The following EIPR1 variants were observed in gnomAD, a reference collection of about 807,000 sequenced individuals.
EIPR1 encodes the protein EARP and GARP complex-interacting protein 1.
EIPR1 carries 25 observed loss-of-function variants against 48.1 expected under a neutral mutation model. The observed-to-expected ratio is 0.52, with a 90% CI of 0.38 to 0.73. EIPR1 has a LOEUF of 0.73. Ranked by LOEUF, EIPR1 falls within the 30% of genes least tolerant of loss-of-function variation. The probability of loss-of-function intolerance (pLI) is 0.00; values close to 1 mark genes in which losing one functional copy is unlikely to be tolerated. For synonymous variants in EIPR1, 204 were observed against 201.9 expected, an observed-to-expected ratio of 1.01 and a Z score of -0.09; for missense variants, 415 against 506.2, an observed-to-expected ratio of 0.82 and a Z score of 1.73.
chr2:3,191,985 C>T (rs1233301559), intron 8 of EIPR1, among the ~76,000 whole-genome samples: 1 of 152,152 alleles, frequency 6.6e-6, no homozygotes, highest in East Asian at 1.9e-4. Context: ...GTGGAAGGCC[C>T]GTGAGCTGAT....
chr2:3,299,684 G>C (rs1668712228), intron 3 of EIPR1, among the ~76,000 whole-genome samples: 1 of 149,818 alleles, frequency 6.7e-6, no homozygotes, highest in Non-Finnish European at 1.5e-5. Context: ...ATACGTGTAA[G>C]CTATGTAAGC....
At chr2:3,346,584 G>C (rs571209342) in intron 2 of EIPR1, among the ~76,000 whole-genome samples, 2 of 152,250 alleles carry the variant, frequency 1.3e-5, no homozygotes, top group African/African-American at 4.8e-5. Context: ...AAGGTGTCAA[G>C]GAATTTGGAG....
intron 5 of EIPR1, among the ~76,000 whole-genome samples, chr2:3,211,328 A>G (rs867660162): frequency 5.9e-5 from 9 of 152,228 alleles, no homozygotes; most frequent in African/African-American, 2.2e-4. Flanking sequence ...GAGAACAAGA[A>G]AGATGAAAAC....
intron 2 of EIPR1, among the ~76,000 whole-genome samples, chr2:3,349,156 A>G (rs1670493040): frequency 6.6e-6 from 1 of 152,230 alleles, no homozygotes; most frequent in Non-Finnish European, 1.5e-5. Context: ...GCAAATTCAA[A>G]GGAGAGGGAA....
intron 4 of EIPR1, among the ~76,000 whole-genome samples, chr2:3,231,231 T>C (rs1666233841): frequency 6.6e-6 from 1 of 152,234 alleles, no homozygotes; most frequent in Non-Finnish European, 1.5e-5. Flanking sequence ...TGTTTACTGA[T>C]TCTAACAATG....
At chr2:3,375,340 T>C (rs1396290644) in intron 1 of EIPR1, among the ~76,000 whole-genome samples, 1 of 151,090 alleles carries the variant, frequency 6.6e-6, no homozygotes, top group African/African-American at 2.4e-5. Flanking sequence ...TGTAACTAAC[T>C]GGCACATTGT....
At chr2:3,356,354 A>G (rs1670729105) in intron 1 of EIPR1, among the ~76,000 whole-genome samples, 1 of 152,250 alleles carries the variant, frequency 6.6e-6, no homozygotes, top group Non-Finnish European at 1.5e-5. Flanking sequence ...CGTAGGCTGT[A>G]TACAACAGCC....
intron 4 of EIPR1, among the ~76,000 whole-genome samples, chr2:3,245,115 A>G (rs182587630): frequency 2.0e-5 from 3 of 152,274 alleles, no homozygotes; most frequent in African/African-American, 7.2e-5. Flanking sequence ...TAACATTTAT[A>G]TGGGGCAAGG....
intron 4 of EIPR1, among the ~76,000 whole-genome samples, chr2:3,244,469 C>T (rs1666734554): frequency 6.6e-6 from 1 of 152,210 alleles, no homozygotes; most frequent in East Asian, 1.9e-4. Flanking sequence ...CCCCCCACCC[C>T]GTCAAGAATT....
chr2:3,252,723 G>C (rs1667038724), intron 4 of EIPR1, among the ~76,000 whole-genome samples: 1 of 152,218 alleles, frequency 6.6e-6, no homozygotes, highest in Non-Finnish European at 1.5e-5. Flanking sequence ...GGCTGGTGAT[G>C]GGGCAGGTCC....
intron 5 of EIPR1, among the ~76,000 whole-genome samples, chr2:3,204,196 A>G (rs1665145040): frequency 6.6e-6 from 1 of 152,196 alleles, no homozygotes; most frequent in Non-Finnish European, 1.5e-5. Context: ...TGGGAAAACT[A>G]GAACCCAGGG....
chr2:3,234,681 C>T (rs17040954), intron 4 of EIPR1, among the ~76,000 whole-genome samples: 6,189 of 152,368 alleles, frequency 0.041, 142 homozygotes, highest in South Asian at 0.074. Context: ...AAGTGCGGGA[C>T]GCTGTTGAAT....
chr2:3,250,247 A>G (rs996872772), intron 4 of EIPR1, among the ~76,000 whole-genome samples: 2 of 152,188 alleles, frequency 1.3e-5, no homozygotes, highest in Admixed American at 1.3e-4. Flanking sequence ...GGGTTTTGGG[A>G]GCCCAATCCT....
At chr2:3,290,769 C>T (rs1181646396) in intron 3 of EIPR1, among the ~76,000 whole-genome samples, 1 of 152,220 alleles carries the variant, frequency 6.6e-6, no homozygotes, top group East Asian at 1.9e-4. Context: ...AGGAGAGGCC[C>T]CATGAAATGG....
At chr2:3,238,248 C>T (rs910497084) in intron 4 of EIPR1, among the ~76,000 whole-genome samples, 3 of 152,184 alleles carry the variant, frequency 2.0e-5, no homozygotes, top group Admixed American at 6.5e-5. Context: ...ACATCTTACC[C>T]AGCAGCTCAG....
intron 4 of EIPR1, among the ~76,000 whole-genome samples, chr2:3,248,096 T>A (rs1489583280): frequency 6.6e-6 from 1 of 152,056 alleles, no homozygotes; most frequent in Non-Finnish European, 1.5e-5. Flanking sequence ...CCTAGCAGCA[T>A]CCTCTTGGTG....
intron 3 of EIPR1, among the ~76,000 whole-genome samples, chr2:3,268,328 T>C (rs1370539177): frequency 6.6e-6 from 1 of 152,162 alleles, no homozygotes; most frequent in South Asian, 2.1e-4. Flanking sequence ...GGGCACAGCA[T>C]GCCATCAGCT....
chr2:3,299,433 T>A (rs1668697574), intron 3 of EIPR1, among the ~76,000 whole-genome samples: 1 of 152,158 alleles, frequency 6.6e-6, no homozygotes, highest in Non-Finnish European at 1.5e-5. Flanking sequence ...CACATGGATG[T>A]GATCTGACTG....
intron 3 of EIPR1, among the ~76,000 whole-genome samples, chr2:3,330,528 C>A (rs1054112132): frequency 9.1e-6 from 1 of 110,130 alleles, no homozygotes; most frequent in African/African-American, 3.0e-5. Context: ...GGCAGACACA[C>A]CCACCCAGGA....
Sources: allele counts gnomAD v4.1 joint callset (sites outside exome capture counted in the v4.1 genomes callset), GRCh38; gene constraint gnomAD v4.1.1; transcripts MANE v1.5; gene names NCBI Gene and HGNC (gene_info 2026-07-23, HGNC 2026-07-21).